COL24A1: variants seen among roughly 807,000 people sequenced by gnomAD.
COL24A1 encodes collagen type XXIV alpha 1 chain, also known as collagen alpha-1(XXIV) chain.
In COL24A1, 224 loss-of-function variants were observed where a neutral mutation model predicts 253.9. The observed-to-expected ratio is 0.88, with a 90% CI of 0.79 to 0.99. The LOEUF is 0.99. Among genes scored for constraint, COL24A1 ranks in the 50% least tolerant of loss-of-function variants. The pLI is 0.00. For synonymous variants in COL24A1, 685 were observed against 673.7 expected, an observed-to-expected ratio of 1.02 and a Z score of -0.26; for missense variants, 2,131 against 2,068.5, an observed-to-expected ratio of 1.03 and a Z score of -0.59.
intron 51 of COL24A1, among the ~76,000 whole-genome samples, chr1:85,782,524 T>C (rs557939865): frequency 6.6e-6 from 1 of 151,982 alleles, no homozygotes; most frequent in South Asian, 2.1e-4. Flanking sequence ...CAATAAAAGA[T>C]GATGAGTTTA....
At chr1:85,982,362 C>T (rs982362005) in intron 20 of COL24A1, among the ~76,000 whole-genome samples, 1 of 152,038 alleles carries the variant, frequency 6.6e-6, no homozygotes, top group Non-Finnish European at 1.5e-5. Context: ...AGTGTGCACA[C>T]ATTTTGTTAC....
chr1:86,092,161 T>A (rs1703539157), intron 6 of COL24A1, 106 bp downstream of exon 6: 1 of 825,610 alleles, frequency 1.2e-6, no homozygotes, highest in South Asian at 2.0e-5. Flanking sequence ...AATTCTCATG[T>A]TTTTTTCCTG....
At chr1:85,740,300 T>A (rs1664469301) in intron 57 of COL24A1, among the ~76,000 whole-genome samples, 1 of 152,196 alleles carries the variant, frequency 6.6e-6, no homozygotes. Context: ...TAGTTAACTA[T>A]CTTACACCTA....
intron 4 of COL24A1, among the ~76,000 whole-genome samples, chr1:86,113,576 G>A (rs1328432384): frequency 6.6e-6 from 1 of 152,106 alleles, no homozygotes; most frequent in Non-Finnish European, 1.5e-5. Context: ...GCTTACACCT[G>A]TAATTCTAGC....
rs1366600553 is a variant in COL24A1, at chr1:85,729,625, T to G, written c.*921A>C. The stretch of plus-strand genomic sequence containing the variant: ...GAATTAAAACTTTACAAAATATATA[T>G]ACACTAAGTATCATTCCAGATGATC... On this transcript the variant is annotated 3_prime_UTR_variant, in exon 60 of 60. Transcript: ENST00000370571. The G allele has an allele frequency of 6.6e-6, 1 of 152,508 alleles. No individual in the cohort carries two copies. Among genetic ancestry groups the G allele is most frequent in the Non-Finnish European group, 1.5e-5 (1 of 68,018 alleles). The allele number at this position is 152,508 out of a possible 1,614,324, so 9.4% of individuals were successfully genotyped here.
Position 85,816,910 on chromosome 1 carries a change from A to T in COL24A1, c.3844-15T>A. ...CCTTGAAGTCCCTTGATAATTAAAA[A>T]TTATTTGGATTGTAGAGATGCTGAA... On this transcript the variant is annotated splice_polypyrimidine_tract_variant and intron_variant, in intron 46 of 59. Coordinates refer to ENST00000370571, the MANE Select transcript of COL24A1 (RefSeq NM_152890.7). The T allele has an allele frequency of 7.7e-6, 12 of 1,561,034 alleles. No individual in the cohort carries two copies. The highest frequency in any genetic ancestry group is 8.8e-6 in the Non-Finnish European group (10 of 1,132,226).
intron 3 of COL24A1, among the ~76,000 whole-genome samples, chr1:86,119,615 G>A (rs2102220964): frequency 6.6e-6 from 1 of 152,190 alleles, no homozygotes; most frequent in East Asian, 1.9e-4. Context: ...ATGCCTCTGG[G>A]TAGAAGACAA....
intron 22 of COL24A1, among the ~76,000 whole-genome samples, chr1:85,967,992 G>A (rs1691739927): frequency 6.6e-6 from 1 of 152,160 alleles, no homozygotes; most frequent in Non-Finnish European, 1.5e-5. Flanking sequence ...CTAATAAGCT[G>A]CCAGTGAATA....
chr1:86,009,532 A>G (rs1696308320), intron 19 of COL24A1, among the ~76,000 whole-genome samples: 1 of 152,186 alleles, frequency 6.6e-6, no homozygotes. Flanking sequence ...CAATTGTAAC[A>G]CATTGGTATT....
At chr1:85,764,316 A>G (rs1329061864) in intron 53 of COL24A1, among the ~76,000 whole-genome samples, 1 of 152,154 alleles carries the variant, frequency 6.6e-6, no homozygotes, top group East Asian at 1.9e-4. Context: ...AATATTAAAT[A>G]AGATTAACTA....
Position 85,729,669 on chromosome 1 carries a change from A to G in COL24A1, c.*877T>C, listed in dbSNP as rs1272867683. The G allele has an allele frequency of 6.6e-6, 1 of 152,606 alleles. No individual in the cohort carries two copies. The highest frequency in any genetic ancestry group is 1.9e-4 in the East Asian group (1 of 5,206). 9.5% of individuals were successfully genotyped at this position (152,606 alleles called of 1,614,324 possible). ...GATGATCATGAACTTTAAAAACAGT[A>G]TGGCACAACCCCCAATCTGTACCCC... On this transcript the variant is annotated 3_prime_UTR_variant, in exon 60 of 60. Coordinates refer to ENST00000370571, the MANE Select transcript of COL24A1 (RefSeq NM_152890.7).
At chr1:85,754,329 T>C (rs11497387) in intron 55 of COL24A1, among the ~76,000 whole-genome samples, 1 of 67,474 alleles carries the variant, frequency 1.5e-5, no homozygotes, top group Non-Finnish European at 3.0e-5. Context: ...TAGGTGGGAA[T>C]TGAACAATGA....
At chr1:86,067,596 G>A (rs1701587942) in intron 7 of COL24A1, among the ~76,000 whole-genome samples, 1 of 152,080 alleles carries the variant, frequency 6.6e-6, no homozygotes, top group Admixed American at 6.6e-5. Context: ...TCTATTATCC[G>A]AATGTTGAAA....
intron 43 of COL24A1, among the ~76,000 whole-genome samples, chr1:85,837,731 G>A (rs948456700): frequency 4.0e-4 from 61 of 152,264 alleles, no homozygotes; most frequent in African/African-American, 1.3e-3. Flanking sequence ...CAAGATTACC[G>A]TTAGTGGGTC....
chr1:85,744,452 G>A (rs528276632), intron 57 of COL24A1, among the ~76,000 whole-genome samples: 1 of 151,926 alleles, frequency 6.6e-6, no homozygotes, highest in South Asian at 2.1e-4. Context: ...TGTATACCAA[G>A]TACAAAATAT....
chr1:85,834,993 G>T (rs1254482896), intron 43 of COL24A1, among the ~76,000 whole-genome samples: 1 of 152,044 alleles, frequency 6.6e-6, no homozygotes, highest in Non-Finnish European at 1.5e-5. Context: ...TATTCTCCAT[G>T]TTTTTTATAT....
chr1:85,866,096 C>G (rs1321450514), intron 37 of COL24A1, among the ~76,000 whole-genome samples: 1 of 152,046 alleles, frequency 6.6e-6, no homozygotes, highest in East Asian at 1.9e-4. Context: ...AACCCCATTT[C>G]TACTAAAAAT....
intron 2 of COL24A1, among the ~76,000 whole-genome samples, chr1:86,129,886 C>T (rs547698322): frequency 5.9e-5 from 9 of 151,734 alleles, no homozygotes; most frequent in Non-Finnish European, 1.3e-4. Flanking sequence ...TTAGTTGTAC[C>T]TCATTGTTTA....
chr1:85,796,289 G>A (rs1290002867), intron 47 of COL24A1, among the ~76,000 whole-genome samples: 1 of 152,106 alleles, frequency 6.6e-6, no homozygotes, highest in Non-Finnish European at 1.5e-5. Flanking sequence ...TTACTTCACA[G>A]AAATTATTTA....
Sources: gnomAD v4.1 joint callset for allele counts (sites outside exome capture counted in the v4.1 genomes callset) on GRCh38, gnomAD v4.1.1 for gene constraint, MANE v1.5 for transcripts, NCBI Gene and HGNC (gene_info 2026-07-23, HGNC 2026-07-21) for gene names.